Variants in OCA2 observed in about 807,000 individuals in gnomAD.
The protein encoded by OCA2 is P protein.
Under a neutral mutation model 100.2 loss-of-function variants are expected in OCA2, and 77 were observed. The observed-to-expected ratio is 0.77, with a 90% CI of 0.64 to 0.93. The LOEUF (loss-of-function observed/expected upper bound fraction) is 0.93, where lower values mean the gene tolerates loss of function less well. Among genes scored for constraint, OCA2 ranks in the 40% least tolerant of loss-of-function variants. OCA2 has a pLI of 0.00. For missense variants in OCA2, 1,062 were observed against 1,089.1 expected (o/e 0.98, Z 0.35); for synonymous variants, 432 against 439.2 (o/e 0.98, Z 0.21).
At chr15:27,853,911 T>G (rs1638973636) in intron 21 of OCA2, among the ~76,000 whole-genome samples, 1 of 152,182 alleles carries the variant, frequency 6.6e-6, no homozygotes, top group Non-Finnish European at 1.5e-5. Context: ...TGCAATAATA[T>G]TCGATGCCGA....
intron 23 of OCA2, among the ~76,000 whole-genome samples, chr15:27,803,180 C>T (rs996392493): frequency 3.5e-5 from 5 of 141,226 alleles, no homozygotes; most frequent in African/African-American, 1.2e-4. Flanking sequence ...AGCAGGAAAC[C>T]CTAAGTTTAA....
intron 2 of OCA2, among the ~76,000 whole-genome samples, chr15:28,064,289 C>T (rs2043959807): frequency 6.6e-6 from 1 of 152,048 alleles, no homozygotes; most frequent in Non-Finnish European, 1.5e-5. Context: ...TGGAATTCAT[C>T]GAGCTTCTTG....
chr15:28,000,698 T>C (rs996135864), intron 9 of OCA2, among the ~76,000 whole-genome samples: 1 of 152,016 alleles, frequency 6.6e-6, no homozygotes, highest in Non-Finnish European at 1.5e-5. Context: ...CAGAAAATAT[T>C]TGCAAACCAT....
At chr15:27,870,715 G>A (rs398043073) in intron 21 of OCA2, among the ~76,000 whole-genome samples, 1 of 110,928 alleles carries the variant, frequency 9.0e-6, no homozygotes, top group African/African-American at 3.5e-5. Flanking sequence ...AAGGAAGGAA[G>A]GAAGGAAAGA....
At chr15:27,788,417 T>TTG (rs1418974102) in intron 23 of OCA2, among the ~76,000 whole-genome samples, 1 of 152,114 alleles carries the variant, frequency 6.6e-6, no homozygotes, top group Non-Finnish European at 1.5e-5. Flanking sequence ...TCCTGATTTA[T>TTG]TGACCCTGAT....
chr15:27,951,395 T>C (rs1485879539), intron 18 of OCA2, among the ~76,000 whole-genome samples: 1 of 152,226 alleles, frequency 6.6e-6, no homozygotes, highest in Non-Finnish European at 1.5e-5. Context: ...CTAACTGGCA[T>C]GGTAGGCGGC....
At chr15:27,990,477 A>C in intron 10 of OCA2, 99 bp downstream of exon 10, 1 of 1,208,290 alleles carries the variant, frequency 8.3e-7, no homozygotes, top group Non-Finnish European at 1.2e-6. Flanking sequence ...CGTGGCATAT[A>C]AAATAGTGAA....
At chr15:27,997,236 A>G (rs377601936) in intron 9 of OCA2, among the ~76,000 whole-genome samples, 300 of 101,012 alleles carry the variant, frequency 3.0e-3, no homozygotes, top group Non-Finnish European at 6.1e-3. Context: ...AAAGGAAGGA[A>G]GGAGGAAAGA....
the OCA2 span, among the ~76,000 whole-genome samples, chr15:27,730,715 A>T: frequency 7.1e-6 from 1 of 141,714 alleles, no homozygotes; most frequent in African/African-American, 2.5e-5. Flanking sequence ...TATGCCAGGA[A>T]CCAGAGAAAA....
chr15:28,094,948 G>A (rs2044944854), intron 1 of OCA2, among the ~76,000 whole-genome samples: 2 of 152,240 alleles, frequency 1.3e-5, no homozygotes, highest in South Asian at 4.1e-4. Context: ...GCCCTGCCGG[G>A]AAGGGGACGG....
At chr15:27,969,971 C>T (rs990342290) in intron 14 of OCA2, among the ~76,000 whole-genome samples, 14 of 151,118 alleles carry the variant, frequency 9.3e-5, no homozygotes, top group Admixed American at 2.6e-4. Context: ...GTAAAATATG[C>T]ATGGTGTAAT....
chr15:27,841,555 A>G (rs2035342995), intron 23 of OCA2, among the ~76,000 whole-genome samples: 1 of 152,264 alleles, frequency 6.6e-6, no homozygotes, highest in Non-Finnish European at 1.5e-5. Context: ...CAAAAAGTAT[A>G]GATAAAAATG....
chr15:28,000,368 A>G (rs1027526451), intron 9 of OCA2, among the ~76,000 whole-genome samples: 3 of 152,236 alleles, frequency 2.0e-5, no homozygotes, highest in Non-Finnish European at 2.9e-5. Context: ...TGGGGAAAGG[A>G]TAGTCTCTTC....
intron 21 of OCA2, among the ~76,000 whole-genome samples, chr15:27,852,398 T>C (rs113145107): frequency 3.9e-4 from 60 of 152,332 alleles, no homozygotes; most frequent in African/African-American, 1.4e-3. Context: ...CTGAGGGCTC[T>C]GTTCTGTTCC....
chr15:28,017,396 G>A (rs973718457), intron 7 of OCA2, among the ~76,000 whole-genome samples: 22 of 152,170 alleles, frequency 1.4e-4, no homozygotes, highest in Admixed American at 1.4e-3. Context: ...GTGCTGGGGA[G>A]GCAGCGGGAC....
intron 14 of OCA2, among the ~76,000 whole-genome samples, chr15:27,970,177 G>C (rs1475516955): frequency 6.6e-6 from 1 of 151,970 alleles, no homozygotes; most frequent in African/African-American, 2.4e-5. Flanking sequence ...TGAAAACGGA[G>C]CAAGCCACGG....
intron 23 of OCA2, among the ~76,000 whole-genome samples, chr15:27,805,060 C>T (rs184359421): frequency 7.9e-4 from 120 of 152,292 alleles, no homozygotes; most frequent in African/African-American, 2.6e-3. Flanking sequence ...GAAGCCCCTG[C>T]AAGGGAGGCC....
intron 10 of OCA2, among the ~76,000 whole-genome samples, chr15:27,989,930 G>A (rs2041494543): frequency 6.6e-6 from 1 of 152,182 alleles, no homozygotes; most frequent in Admixed American, 6.5e-5. Flanking sequence ...GGCGGGACTG[G>A]CCCCTGGTTA....
chr15:27,872,601 T>C (rs1251760595), intron 19 of OCA2, among the ~76,000 whole-genome samples: 1 of 152,146 alleles, frequency 6.6e-6, no homozygotes, highest in East Asian at 1.9e-4. Flanking sequence ...CCTCTGTGGG[T>C]GTGGCCTTTT....
Sources: gnomAD v4.1 joint callset for allele counts (sites outside exome capture counted in the v4.1 genomes callset) on GRCh38, gnomAD v4.1.1 for gene constraint, MANE v1.5 for transcripts, NCBI Gene and HGNC (gene_info 2026-07-23, HGNC 2026-07-21) for gene names.